The following CSMD1 variants were observed in gnomAD, a reference collection of about 807,000 sequenced individuals.
CSMD1 encodes the protein CUB and sushi domain-containing protein 1.
A neutral mutation model predicts 417.5 loss-of-function variants in CSMD1; 213 were observed. That is an observed-to-expected ratio of 0.51 (90% CI 0.46 to 0.57). CSMD1 has a LOEUF of 0.57. Ranked by LOEUF, CSMD1 falls within the 20% of genes least tolerant of loss-of-function variation. The probability of loss-of-function intolerance (pLI) is 0.00; values close to 1 mark genes in which losing one functional copy is unlikely to be tolerated. For synonymous variants in CSMD1, 2,862 were observed against 1,736.8 expected, an observed-to-expected ratio of 1.65 and a Z score of -16.11; for missense variants, 6,923 against 4,529.7, an observed-to-expected ratio of 1.53 and a Z score of -15.17.
At chr8:3,234,718 C>A (rs1012268282) in intron 26 of CSMD1, among the ~76,000 whole-genome samples, 10 of 152,152 alleles carry the variant, frequency 6.6e-5, no homozygotes, top group African/African-American at 2.4e-4. Flanking sequence ...TAGAAAGTCA[C>A]GAAGGTCTCA....
intron 3 of CSMD1, among the ~76,000 whole-genome samples, chr8:4,290,284 C>G (rs1464537827): frequency 6.6e-6 from 1 of 152,114 alleles, no homozygotes; most frequent in African/African-American, 2.4e-5. Flanking sequence ...GCATGGTTTT[C>G]ACATATGTCT....
At chr8:4,084,954 C>T (rs1001124249) in intron 3 of CSMD1, among the ~76,000 whole-genome samples, 6 of 152,120 alleles carry the variant, frequency 3.9e-5, no homozygotes, top group Non-Finnish European at 8.8e-5. Flanking sequence ...AAAGCACCTG[C>T]AGAAAGAAGG....
intron 5 of CSMD1, among the ~76,000 whole-genome samples, chr8:3,816,604 C>A (rs1261829893): frequency 1.3e-5 from 2 of 151,804 alleles, no homozygotes; most frequent in African/African-American, 4.8e-5. Flanking sequence ...CTGCAGTTCA[C>A]AATAATGTAC....
At chr8:4,247,300 T>C (rs1183236073) in intron 3 of CSMD1, among the ~76,000 whole-genome samples, 6 of 152,242 alleles carry the variant, frequency 3.9e-5, no homozygotes, top group East Asian at 1.9e-4. Context: ...GGGTGGTCAA[T>C]TGTCTTCTCT....
At chr8:3,173,764 G>A (rs760967401) in intron 37 of CSMD1, among the ~76,000 whole-genome samples, 1 of 152,040 alleles carries the variant, frequency 6.6e-6, no homozygotes, top group Non-Finnish European at 1.5e-5. Flanking sequence ...TGTTACTCAT[G>A]TTCACCAAAA....
rs532259533 is a variant in CSMD1, at chr8:3,934,273, T to C, written c.818+63630A>G. Among the ~76,000 whole-genome samples the C allele has an allele frequency of 3.9e-5, 6 of 152,290 alleles. No homozygotes were observed. In the South Asian group the frequency reaches 8.3e-4, roughly 21 times the overall value. On this transcript the variant is annotated intron_variant, in intron 5 of 69. Coordinates refer to ENST00000635120, the MANE Select transcript of CSMD1 (RefSeq NM_033225.6). ...AGAATAATCATTCCGCTGTTCTTCA[T>C]CAATTTAATCTGAACCAAAGTGCCT...
intron 5 of CSMD1, among the ~76,000 whole-genome samples, chr8:3,849,519 C>A (rs111650990): frequency 6.6e-6 from 1 of 152,132 alleles, no homozygotes; most frequent in Admixed American, 6.5e-5. Context: ...AGTAGCTCGA[C>A]GGTTAGAATG....
chr8:4,753,563 C>T (rs1811482041), intron 1 of CSMD1, among the ~76,000 whole-genome samples: 1 of 152,096 alleles, frequency 6.6e-6, no homozygotes, highest in African/African-American at 2.4e-5. Flanking sequence ...ATTGCACCTG[C>T]CTTCCATCAC....
chr8:4,402,667 G>T (rs1804721334), intron 3 of CSMD1, among the ~76,000 whole-genome samples: 1 of 151,976 alleles, frequency 6.6e-6, no homozygotes, highest in South Asian at 2.1e-4. Context: ...TAATGAATTT[G>T]CCCATTACTT....
intron 1 of CSMD1, among the ~76,000 whole-genome samples, chr8:4,894,267 C>A (rs1036403841): frequency 2.0e-5 from 3 of 151,878 alleles, no homozygotes; most frequent in Admixed American, 2.0e-4. Context: ...CCTATCAAGT[C>A]TTTTGTTTTG....
At chr8:4,578,162 ATTTTTTGT>A (rs1799226542) in intron 2 of CSMD1, among the ~76,000 whole-genome samples, 2 of 151,934 alleles carry the variant, frequency 1.3e-5, no homozygotes, top group South Asian at 4.2e-4. Context: ...ATAAAAGAGC[ATTTTTTGT>A]TCTTTTTTGA....
chr8:3,026,001 C>T (rs1809844056), intron 51 of CSMD1, among the ~76,000 whole-genome samples: 1 of 152,118 alleles, frequency 6.6e-6, no homozygotes, highest in South Asian at 2.1e-4. Flanking sequence ...ACGTGTCCCA[C>T]CCCTGAGTCG....
chr8:4,206,411 C>T (rs998217989), intron 3 of CSMD1, among the ~76,000 whole-genome samples: 1 of 152,122 alleles, frequency 6.6e-6, no homozygotes, highest in Non-Finnish European at 1.5e-5. Flanking sequence ...GTTCAGTTCC[C>T]ACCTATGACT....
At chr8:4,907,334 C>G (rs1313884253) in intron 1 of CSMD1, among the ~76,000 whole-genome samples, 1 of 152,168 alleles carries the variant, frequency 6.6e-6, no homozygotes, top group Non-Finnish European at 1.5e-5. Context: ...TATTAACCTT[C>G]AGACAAAACG....
At chr8:4,731,956 C>G (rs1809901230) in intron 1 of CSMD1, among the ~76,000 whole-genome samples, 1 of 152,084 alleles carries the variant, frequency 6.6e-6, no homozygotes, top group African/African-American at 2.4e-5. Flanking sequence ...ACAACAGCAG[C>G]AGTATTAACA....
At chr8:4,237,100 T>C (rs977334092) in intron 3 of CSMD1, among the ~76,000 whole-genome samples, 1 of 152,164 alleles carries the variant, frequency 6.6e-6, no homozygotes, top group African/African-American at 2.4e-5. Context: ...TCACTCACTA[T>C]CCTCCATCAA....
intron 11 of CSMD1, among the ~76,000 whole-genome samples, chr8:3,493,072 T>A (rs1433298957): frequency 2.0e-5 from 3 of 151,938 alleles, no homozygotes; most frequent in African/African-American, 7.3e-5. Context: ...AGTGGGCAAA[T>A]CACCAGAGGT....
chr8:3,763,760 G>A (rs11776520), intron 5 of CSMD1, among the ~76,000 whole-genome samples: 31,457 of 152,042 alleles, frequency 0.21, 3,573 homozygotes, highest in South Asian at 0.28. Flanking sequence ...GAGATAAATG[G>A]TGGTAGGACA....
chr8:4,203,651 G>T (rs1260553380), intron 3 of CSMD1, among the ~76,000 whole-genome samples: 1 of 152,066 alleles, frequency 6.6e-6, no homozygotes, highest in African/African-American at 2.4e-5. Context: ...ACACACATTG[G>T]AAGTTGGTTC....
Sources: gnomAD v4.1 joint callset for allele counts (sites outside exome capture counted in the v4.1 genomes callset) on GRCh38, gnomAD v4.1.1 for gene constraint, MANE v1.5 for transcripts, NCBI Gene and HGNC (gene_info 2026-07-23, HGNC 2026-07-21) for gene names.